The following TAS1R2 variants were observed in gnomAD, a reference collection of about 807,000 sequenced individuals.
TAS1R2 encodes the protein taste 1 receptor member 2.
A neutral mutation model predicts 49.3 loss-of-function variants in TAS1R2; 47 were observed. The observed-to-expected ratio is 0.95, with a 90% CI of 0.75 to 1.22. The LOEUF (loss-of-function observed/expected upper bound fraction) is 1.22, where lower values mean the gene tolerates loss of function less well. Ranked by LOEUF, TAS1R2 falls within the 50% of genes most tolerant of loss-of-function variation. TAS1R2 has a pLI of 0.00. For synonymous variants in TAS1R2, 479 were observed against 467.9 expected, an observed-to-expected ratio of 1.02 and a Z score of -0.31; for missense variants, 1,155 against 1,122.1, an observed-to-expected ratio of 1.03 and a Z score of -0.42.
intron 4 of TAS1R2, 122 bp from the exon 5 acceptor site, chr1:18,841,974 G>T: frequency 1.1e-6 from 1 of 878,496 alleles, no homozygotes; most frequent in Non-Finnish European, 1.6e-6. Context: ...GTTTTGGGGT[G>T]GAAACTGTAG....
chr1:18,852,941 T>C (rs1469799078), intron 3 of TAS1R2, among the ~76,000 whole-genome samples: 1 of 152,228 alleles, frequency 6.6e-6, no homozygotes, highest in Non-Finnish European at 1.5e-5. Context: ...TAGTAGGTGC[T>C]CAACAAAAGG....
At chr1:18,840,810 G>C (rs1321994034) in intron 5 of TAS1R2, among the ~76,000 whole-genome samples, 6 of 152,222 alleles carry the variant, frequency 3.9e-5, no homozygotes, top group African/African-American at 1.4e-4. Flanking sequence ...CCTTGACCCA[G>C]AGCCTACCAA....
At chr1:18,845,017 C>T (rs1488040428) in intron 4 of TAS1R2, among the ~76,000 whole-genome samples, 1 of 152,210 alleles carries the variant, frequency 6.6e-6, no homozygotes, top group Non-Finnish European at 1.5e-5. Flanking sequence ...GACCAGCCAA[C>T]CAACTGCTGA....
chr1:18,856,737 C>A (rs1248229495), intron 2 of TAS1R2, among the ~76,000 whole-genome samples: 1 of 152,076 alleles, frequency 6.6e-6, no homozygotes, highest in African/African-American at 2.4e-5. Flanking sequence ...TGTGCCAAGT[C>A]TTTTGCTAGC....
chr1:18,839,807 G>A lies in TAS1R2; in HGVS notation c.2312C>T (p.Thr771Ile), dbSNP rs1299710523. ...GAAGGTGCAGAGGGAGACGGATGAG[G>A]TGAAATAGAAGGTCATGCTGAGGGT... Residue 771 changes from threonine to isoleucine, a missense_variant, in exon 6 of 6, where the codon ACC (threonine) becomes ATC (isoleucine). Thr to Ile is a moderately conservative substitution (Grantham distance 89). Coordinates refer to ENST00000375371, the Ensembl canonical transcript of TAS1R2. The A allele has an allele frequency of 3.7e-6, 6 of 1,614,108 alleles. No homozygotes were observed. The Admixed American group carries it at 6.7e-5, about 18-fold the overall frequency.
intron 3 of TAS1R2, among the ~76,000 whole-genome samples, chr1:18,850,719 G>A (rs761141120): frequency 1.3e-5 from 2 of 152,280 alleles, no homozygotes; most frequent in Non-Finnish European, 2.9e-5. Context: ...ATTGTCCTGA[G>A]TGGGTGGGAG....
intron 2 of TAS1R2, among the ~76,000 whole-genome samples, chr1:18,855,512 T>A (rs897228540): frequency 3.3e-5 from 5 of 152,224 alleles, no homozygotes; most frequent in Admixed American, 1.3e-4. Flanking sequence ...CTCTATGACC[T>A]CTTAACCTTG....
intron 4 of TAS1R2, among the ~76,000 whole-genome samples, chr1:18,846,425 C>T (rs556225360): frequency 1.3e-5 from 2 of 152,230 alleles, no homozygotes; most frequent in Non-Finnish European, 2.9e-5. Context: ...CCCTGTGGAA[C>T]TCTCCCCAGT....
In TAS1R2 at chr1:18,849,478, C is replaced by T. The variant is rs757099116; in HGVS notation, c.1330G>A (p.Val444Met). The T allele has an allele frequency of 2.0e-5, 32 of 1,614,100 alleles. No individual in the cohort carries two copies. The highest frequency in any genetic ancestry group is 6.7e-5 in the Admixed American group (4 of 60,018). Residue 444 changes from valine (V) to methionine (M), a missense_variant, in exon 4 of 6, where the codon GTG (valine) becomes ATG (methionine). Transcript: ENST00000375371. ...TGGACAATCTCCAAGTGCAGAGCCA[C>T]GTCCCCTTGCGGGTCGAAGAAGATT...
At chr1:18,841,666 C>T in intron 5 of TAS1R2, 63 bp downstream of exon 5, 1 of 1,575,776 alleles carries the variant, frequency 6.3e-7, no homozygotes, top group African/African-American at 1.4e-5. Context: ...GCCCTAGAGA[C>T]TCCAGGGGCA....
intron 4 of TAS1R2, among the ~76,000 whole-genome samples, chr1:18,848,343 G>GCA (rs1933959234): frequency 6.6e-6 from 1 of 151,928 alleles, no homozygotes; most frequent in African/African-American, 2.4e-5. Flanking sequence ...ACCAGGCCTG[G>GCA]CACACACATG....
At chr1:18,857,704 A>T in intron 1 of TAS1R2, 73 bp from the exon 2 acceptor site, 1 of 1,497,892 alleles carries the variant, frequency 6.7e-7, no homozygotes, top group East Asian at 2.3e-5. Context: ...GAACCAGCCC[A>T]CTCCTCCTTC....
exon 6 of TAS1R2, chr1:18,840,351 G>A: frequency 6.2e-7 from 1 of 1,614,118 alleles, no homozygotes; most frequent in Non-Finnish European, 8.5e-7. Flanking sequence ...GTCTGGAAGT[G>A]CCTCCAGAAT....
intron 3 of TAS1R2, among the ~76,000 whole-genome samples, chr1:18,852,685 G>A (rs1408480818): frequency 4.6e-5 from 7 of 152,020 alleles, no homozygotes; most frequent in South Asian, 2.1e-4. Flanking sequence ...AGTTCCCGTC[G>A]CCTCTCAGTC....
rs1934081012 is a variant in TAS1R2, at chr1:18,854,113, G to A, written c.1257+100C>T. ...AGGAAGGACTAGTGCTATGTGTCTG[G>A]AAGAATGGGATACTCATGCCCTTTC... On this transcript the variant is annotated intron_variant, in intron 3 of 5. Coordinates refer to ENST00000375371, the Ensembl canonical transcript of TAS1R2. The surrounding 1 kb of genome is among the most constrained non-coding windows in gnomAD (Gnocchi z 4.9). 4 of 1,216,120 alleles carry A rather than the reference G, an allele frequency of 3.3e-6. No individual in the cohort carries two copies. In the South Asian group the frequency reaches 4.6e-5, roughly 14 times the overall value. The allele number at this position is 1,216,120 out of a possible 1,614,324, so 75.3% of individuals were successfully genotyped here. A position where few individuals can be genotyped will look rare whatever the true frequency, so the allele number is the denominator to read the frequency against.
intron 2 of TAS1R2, among the ~76,000 whole-genome samples, chr1:18,855,874 G>A (rs1405095793): frequency 6.6e-6 from 1 of 152,142 alleles, no homozygotes; most frequent in African/African-American, 2.4e-5. Context: ...GGATCCATCA[G>A]CAAATCCTCT....
At chr1:18,840,979 C>T (rs1316431479) in intron 5 of TAS1R2, among the ~76,000 whole-genome samples, 1 of 152,244 alleles carries the variant, frequency 6.6e-6, no homozygotes, top group Non-Finnish European at 1.5e-5. Context: ...CCAGCCCTCA[C>T]CTCGCCGCTA....
chr1:18,853,273 G>A (rs1394128579), intron 3 of TAS1R2, among the ~76,000 whole-genome samples: 2 of 152,206 alleles, frequency 1.3e-5, no homozygotes, highest in Non-Finnish European at 2.9e-5. Flanking sequence ...TCAAAGAGGA[G>A]TAAAGCACCC....
chr1:18,852,492 G>A (rs1462567545), intron 3 of TAS1R2, among the ~76,000 whole-genome samples: 4 of 152,218 alleles, frequency 2.6e-5, no homozygotes, highest in African/African-American at 7.2e-5. Flanking sequence ...GACCCTGGGT[G>A]AAGCCTACAT....
Sources: allele counts gnomAD v4.1 joint callset (sites outside exome capture counted in the v4.1 genomes callset), GRCh38; gene constraint gnomAD v4.1.1; non-coding constraint Gnocchi (gnomAD v3.1); transcripts MANE v1.5; gene names NCBI Gene and HGNC (gene_info 2026-07-23, HGNC 2026-07-21).